Variants in PDCD11 observed in about 807,000 individuals in gnomAD.
PDCD11 encodes protein RRP5 homolog.
Under a neutral mutation model 198.9 loss-of-function variants are expected in PDCD11, and 97 were observed. That is an observed-to-expected ratio of 0.49 (90% confidence interval 0.41 to 0.58). PDCD11 has a LOEUF of 0.58. Among genes scored for constraint, PDCD11 ranks in the 20% least tolerant of loss-of-function variants. PDCD11 has a pLI of 0.00. For synonymous variants in PDCD11, 893 were observed against 918.0 expected (o/e 0.97, Z 0.49); for missense variants, 2,102 against 2,312.7 (o/e 0.91, Z 1.87).
chr10:103,398,490 G>A lies in PDCD11; in HGVS notation c.64G>A (p.Ala22Thr), dbSNP rs2093448894. The A allele has an allele frequency of 6.2e-7, 1 of 1,613,866 alleles. No individual in the cohort carries two copies. Among genetic ancestry groups the A allele is most frequent in the African/African-American group, 1.3e-5 (1 of 74,912 alleles). Residue 22 changes from alanine to threonine, a missense_variant, in exon 2 of 36, where the codon GCT (alanine) becomes ACT (threonine). Transcript: ENST00000369797. ...AAGAAAGATCCACAAACCAGAGAAA[G>A]CTTTCCAGCAGTCAGTTGAACAAGA... Reference protein sequence around the residue: ...GTRKIHKPEKAFQQSVEQDNL... With the variant: ...GTRKIHKPEKTFQQSVEQDNL...
At chr10:103,415,954 C>T (rs982643544) in intron 12 of PDCD11, among the ~76,000 whole-genome samples, 12 of 152,160 alleles carry the variant, frequency 7.9e-5, no homozygotes, top group African/African-American at 1.7e-4. Flanking sequence ...TTTATCTCAT[C>T]GTTATTGACT....
chr10:103,405,232 G>A (rs769262176), intron 5 of PDCD11, 49 bp downstream of exon 5: 2 of 1,589,916 alleles, frequency 1.3e-6, no homozygotes, highest in Non-Finnish European at 1.7e-6. Flanking sequence ...CCTTCTCTCT[G>A]CCTCTGAGGG....
At chr10:103,444,749 C>A in intron 35 of PDCD11, 67 bp downstream of exon 35, 1 of 1,418,664 alleles carries the variant, frequency 7.0e-7, no homozygotes, top group Non-Finnish European at 9.9e-7. Context: ...GGTCCCACAG[C>A]AGCTCTCAGC....
chr10:103,417,210 CA>C (rs1302215844), intron 13 of PDCD11, among the ~76,000 whole-genome samples: 7 of 151,338 alleles, frequency 4.6e-5, no homozygotes, highest in African/African-American at 1.7e-4. Context: ...TTTCCTCTGT[CA>C]CCCAGGCTGG....
intron 22 of PDCD11, 111 bp from the exon 23 acceptor site, chr10:103,433,837 T>A: frequency 1.3e-6 from 1 of 786,076 alleles, no homozygotes; most frequent in African/African-American, 1.7e-5. Context: ...GATTCCTGTC[T>A]CTTGGAAAAG....
chr10:103,441,928 G>A lies in PDCD11; in HGVS notation c.4660G>A (p.Ala1554Thr). 6.2e-7 allele frequency: 1 copy of A among 1,614,258 alleles called. No individual in the cohort carries two copies. Among genetic ancestry groups the A allele is most frequent in the Middle Eastern group, 1.6e-4 (1 of 6,062 alleles). Reference protein sequence around the residue: ...DSLTPALPPLAESSDSEEDEK... With the variant: ...DSLTPALPPLTESSDSEEDEK... ...TCTGACCCCGGCCTTGCCACCTCTA[G>A]CAGAGAGCTCAGACAGCGAGGAGGA... The change falls in exon 31 of 36, where the codon GCA (alanine) becomes ACA (threonine). Residue 1554 changes from alanine (A) to threonine (T), a missense_variant. By Grantham distance (58) the Ala-to-Thr change is moderately conservative (BLOSUM62 0). Coordinates refer to ENST00000369797, the MANE Select transcript of PDCD11 (RefSeq NM_014976.2).
intron 8 of PDCD11, among the ~76,000 whole-genome samples, chr10:103,410,383 G>A (rs775215922): frequency 2.0e-5 from 3 of 151,996 alleles, no homozygotes; most frequent in Non-Finnish European, 2.9e-5. Context: ...TCCTTTGGTG[G>A]TAGTAGTATT....
intron 15 of PDCD11, among the ~76,000 whole-genome samples, chr10:103,419,328 T>C (rs1272201494): frequency 6.6e-6 from 1 of 152,166 alleles, no homozygotes. Context: ...ACACCAAAGT[T>C]TCTAATTCAG....
At chr10:103,413,612 T>G (rs542042082) in intron 9 of PDCD11, among the ~76,000 whole-genome samples, 129 of 152,330 alleles carry the variant, frequency 8.5e-4, no homozygotes, top group African/African-American at 2.6e-3. Context: ...ATAAATACTT[T>G]AGGCTGTGGG....
chr10:103,413,055 G>A (rs1056343777), intron 8 of PDCD11, 61 bp from the exon 9 acceptor site: 50 of 1,310,634 alleles, frequency 3.8e-5, no homozygotes, highest in Non-Finnish European at 5.2e-5. Context: ...TGCCTGGAAG[G>A]TCTGCTCTAG....
At chr10:103,407,433 G>T (rs2030525883) in intron 7 of PDCD11, among the ~76,000 whole-genome samples, 1 of 151,972 alleles carries the variant, frequency 6.6e-6, no homozygotes, top group South Asian at 2.1e-4. Flanking sequence ...TGTGGTGGCG[G>T]GTACCTGTAG....
intron 7 of PDCD11, 92 bp from the exon 8 acceptor site, chr10:103,409,607 A>T (rs763876336): frequency 3.7e-6 from 3 of 802,044 alleles, no homozygotes; most frequent in Non-Finnish European, 6.6e-6. Context: ...AGTTAGGGAT[A>T]CTATGGCATT....
At chr10:103,445,081 C>T (rs1427798031) in intron 35 of PDCD11, among the ~76,000 whole-genome samples, 2 of 152,202 alleles carry the variant, frequency 1.3e-5, no homozygotes, top group African/African-American at 4.8e-5. Context: ...ATGTATGTTT[C>T]TCACTGTTGT....
chr10:103,439,781 C>G lies in PDCD11; in HGVS notation c.4061C>G (p.Ser1354Cys). ...GPSVVGLARY[S>C]HVSQHSPSKK... The stretch of plus-strand genomic sequence containing the variant: ...TCCGTTGTGGGTTTGGCTCGGTACT[C>G]CCATGTCTCCCAGCACAGCCCGTCC... The change falls in exon 28 of 36, where the codon TCC (serine) becomes TGC (cysteine). Residue 1354 changes from serine (S) to cysteine (C), a missense_variant. Transcript: ENST00000369797. The G allele has an allele frequency of 6.2e-7, 1 of 1,614,148 alleles. No homozygotes were observed. Among genetic ancestry groups the G allele is most frequent in the South Asian group, 1.1e-5 (1 of 91,084 alleles).
Position 103,438,955 on chromosome 10 carries a change from A to G in PDCD11, c.4025+147A>G, listed in dbSNP as rs1190032398. Reference sequence around the variant, plus strand: ...AGTCCCCACTCATTTTTAAAATTCCAAGTTTTCTAATACTTTTAAAACAAC... The same window carrying G: ...AGTCCCCACTCATTTTTAAAATTCCGAGTTTTCTAATACTTTTAAAACAAC... On this transcript the variant is annotated intron_variant, in intron 27 of 35. Transcript: ENST00000369797. The G allele has an allele frequency of 7.8e-6, 6 of 764,820 alleles. No individual in the cohort carries two copies. In the East Asian group the frequency reaches 1.5e-4, roughly 20 times the overall value. The allele number at this position is 764,820 out of a possible 1,614,324, so 47.4% of individuals were successfully genotyped here.
intron 8 of PDCD11, among the ~76,000 whole-genome samples, chr10:103,412,622 C>T (rs566488268): frequency 3.3e-5 from 5 of 152,288 alleles, no homozygotes; most frequent in Non-Finnish European, 7.4e-5. Flanking sequence ...CCACTGCTTC[C>T]AGCCTAACTT....
chr10:103,422,098 T>C (rs1018577053), intron 17 of PDCD11, among the ~76,000 whole-genome samples: 6 of 134,546 alleles, frequency 4.5e-5, no homozygotes, highest in Admixed American at 1.5e-4. Context: ...ATTATTATTA[T>C]TGAGACCAAG....
In PDCD11 at chr10:103,398,453, C is replaced by T; in HGVS notation, c.27C>T (p.Pro9=). Residue 9 remains proline, a synonymous_variant, in exon 2 of 36, where the codon CCC becomes CCT. Transcript: ENST00000369797. MANLEESF[P]RGGTRKIHKP... ...TGGCAAACCTGGAAGAAAGCTTCCC[C>T]CGAGGAGGTACAAGAAAGATCCACA... 1 of 1,613,960 alleles carries T rather than the reference C, an allele frequency of 6.2e-7. No homozygotes were observed. Among genetic ancestry groups the T allele is most frequent in the Middle Eastern group, 1.6e-4 (1 of 6,062 alleles).
Position 103,419,533 on chromosome 10 carries a change from A to G in PDCD11, c.2107-5A>G. The G allele has an allele frequency of 2.5e-6, 4 of 1,612,668 alleles. No homozygotes were observed. The highest frequency in any genetic ancestry group is 3.4e-6 in the Non-Finnish European group (4 of 1,179,320). ...CTGGAACATTCCTTGATGAAGTACC[A>G]CTAGCTTCTTTGCAGGAAGCCAGCC... On this transcript the variant is annotated splice_polypyrimidine_tract_variant and splice_region_variant and intron_variant, in intron 15 of 35. Coordinates refer to ENST00000369797, the MANE Select transcript of PDCD11 (RefSeq NM_014976.2).
Sources: allele counts gnomAD v4.1 joint callset (sites outside exome capture counted in the v4.1 genomes callset), GRCh38; gene constraint gnomAD v4.1.1; transcripts MANE v1.5; gene names NCBI Gene and HGNC (gene_info 2026-07-23, HGNC 2026-07-21).